The following ATP6V1G3 variants were observed in gnomAD, a reference collection of about 807,000 sequenced individuals.
ATP6V1G3 encodes V-type proton ATPase subunit G 3.
ATP6V1G3 carries 9 observed loss-of-function variants against 9.3 expected under a neutral mutation model. That is an observed-to-expected ratio of 0.97 (90% CI 0.59 to 1.69). The LOEUF (loss-of-function observed/expected upper bound fraction) is 1.69, where lower values mean the gene tolerates loss of function less well. Among genes scored for constraint, ATP6V1G3 ranks in the 40% most tolerant of loss-of-function variants. The pLI, the probability that ATP6V1G3 is intolerant of heterozygous loss-of-function variation, is 0.00. For synonymous variants in ATP6V1G3, 43 were observed against 43.8 expected, an observed-to-expected ratio of 0.98 and a Z score of 0.07; for missense variants, 133 against 139.0, an observed-to-expected ratio of 0.96 and a Z score of 0.22.
At chr1:198,524,498 G>A (rs2103129391) in intron 2 of ATP6V1G3, among the ~76,000 whole-genome samples, 1 of 152,204 alleles carries the variant, frequency 6.6e-6, no homozygotes, top group East Asian at 1.9e-4. Flanking sequence ...AAAATTGAGT[G>A]TGCTTGTTCA....
chr1:198,525,498 G>A (rs1020512576), intron 2 of ATP6V1G3, among the ~76,000 whole-genome samples: 59 of 152,178 alleles, frequency 3.9e-4, no homozygotes, highest in Middle Eastern at 3.4e-3. Context: ...ATTGGTAAGT[G>A]TGCAGAGCAG....
At chr1:198,531,064 C>G (rs1286051748) in intron 1 of ATP6V1G3, among the ~76,000 whole-genome samples, 1 of 152,032 alleles carries the variant, frequency 6.6e-6, no homozygotes, top group East Asian at 1.9e-4. Context: ...CAGCACTCCA[C>G]TAAGAGGCTG....
At chr1:198,537,932 G>C (rs1660184457) in intron 1 of ATP6V1G3, among the ~76,000 whole-genome samples, 2 of 152,196 alleles carry the variant, frequency 1.3e-5, no homozygotes, top group African/African-American at 4.8e-5. Flanking sequence ...TCGCTTATGT[G>C]AGTAAGCTGT....
chr1:198,529,216 AAT>A (rs757876860), intron 1 of ATP6V1G3, 35 bp from the exon 2 acceptor site: 5 of 409,590 alleles, frequency 1.2e-5, no homozygotes, highest in African/African-American at 2.2e-5. Context: ...ATATATATAT[AAT>A]TATATATATC....
At chr1:198,527,242 A>G (rs957700847) in intron 2 of ATP6V1G3, among the ~76,000 whole-genome samples, 14 of 152,160 alleles carry the variant, frequency 9.2e-5, no homozygotes, top group African/African-American at 3.1e-4. Context: ...ATCTGTGCTA[A>G]TGGTTTTACA....
chr1:198,534,807 A>C (rs888245711), intron 1 of ATP6V1G3, among the ~76,000 whole-genome samples: 7 of 152,234 alleles, frequency 4.6e-5, no homozygotes, highest in Non-Finnish European at 8.8e-5. Flanking sequence ...AAGCAAAACC[A>C]AACCAAACAA....
intron 2 of ATP6V1G3, among the ~76,000 whole-genome samples, chr1:198,526,497 T>A (rs554223298): frequency 6.6e-6 from 1 of 152,318 alleles, no homozygotes; most frequent in South Asian, 2.1e-4. Context: ...CTGTAACATG[T>A]CATGATACAT....
upstream of ATP6V1G3, chr1:198,540,863 T>C (rs1660318176): frequency 1.7e-6 from 1 of 587,490 alleles, no homozygotes; most frequent in Non-Finnish European, 3.0e-6. Flanking sequence ...TGTGCATAAA[T>C]TGAGAACTTA....
At chr1:198,539,903 G>A (rs1437188951) in intron 1 of ATP6V1G3, among the ~76,000 whole-genome samples, 3 of 152,188 alleles carry the variant, frequency 2.0e-5, no homozygotes. Context: ...CATTCTATAT[G>A]TAAGTACATG....
chr1:198,533,789 T>C (rs928430307), intron 1 of ATP6V1G3, among the ~76,000 whole-genome samples: 2 of 152,024 alleles, frequency 1.3e-5, no homozygotes, highest in Admixed American at 1.3e-4. Context: ...ACTTTAAGGA[T>C]TGAGAAGACA....
chr1:198,528,494 A>T (rs923750807), intron 2 of ATP6V1G3, among the ~76,000 whole-genome samples: 4 of 152,098 alleles, frequency 2.6e-5, no homozygotes, highest in African/African-American at 9.7e-5. Context: ...CAAAGGTTTC[A>T]TGCATTTATA....
At chr1:198,524,425 C>T (rs940097516) in intron 2 of ATP6V1G3, among the ~76,000 whole-genome samples, 6 of 152,006 alleles carry the variant, frequency 3.9e-5, no homozygotes, top group African/African-American at 1.2e-4. Flanking sequence ...GCCTGGCTGC[C>T]GAAGTGTGTT....
At chr1:198,527,644 A>G (rs1037820252) in intron 2 of ATP6V1G3, among the ~76,000 whole-genome samples, 4 of 152,258 alleles carry the variant, frequency 2.6e-5, no homozygotes, top group African/African-American at 9.6e-5. Flanking sequence ...TCAAAGAAAA[A>G]AATGTTATTC....
intron 1 of ATP6V1G3, among the ~76,000 whole-genome samples, chr1:198,534,044 A>G (rs1178142011): frequency 6.6e-6 from 1 of 152,142 alleles, no homozygotes; most frequent in Non-Finnish European, 1.5e-5. Context: ...AACAAAGGGG[A>G]ACAAAGAAAA....
upstream of ATP6V1G3, chr1:198,540,819 C>T (rs1314076957): frequency 3.0e-6 from 2 of 658,196 alleles, no homozygotes; most frequent in African/African-American, 1.8e-5. Flanking sequence ...CAAGGAAAGC[C>T]CAAGGTGGAA....
intron 1 of ATP6V1G3, among the ~76,000 whole-genome samples, chr1:198,531,984 G>A (rs1659919167): frequency 6.6e-6 from 1 of 152,070 alleles, no homozygotes; most frequent in South Asian, 2.1e-4. Context: ...GAAAAAAAAA[G>A]GCAAGGGGTA....
chr1:198,529,195 A>AT lies in ATP6V1G3; in HGVS notation c.83-15_83-14insA. On this transcript the variant is annotated splice_polypyrimidine_tract_variant and intron_variant, in intron 1 of 2. Transcript: ENST00000367382. ...GCTTTCCTTTTCCTGAAAATTAACA[A>AT]ATATATATATATATATATATAATTA... 1.3e-5 allele frequency: 6 copies of AT among 465,984 alleles called. No individual in the cohort carries two copies. Among genetic ancestry groups the AT allele is most frequent in the Non-Finnish European group, 1.3e-5 (4 of 302,436 alleles). 28.9% of individuals were successfully genotyped at this position (465,984 alleles called of 1,614,324 possible). A position where few individuals can be genotyped will look rare whatever the true frequency, so the allele number is the denominator to read the frequency against.
At chr1:198,539,309 C>T (rs1660253349) in intron 1 of ATP6V1G3, among the ~76,000 whole-genome samples, 1 of 152,178 alleles carries the variant, frequency 6.6e-6, no homozygotes, top group Non-Finnish European at 1.5e-5. Context: ...TTAAATAATT[C>T]AGTACCTACT....
intron 1 of ATP6V1G3, among the ~76,000 whole-genome samples, chr1:198,532,186 A>G (rs933352646): frequency 5.3e-5 from 8 of 152,188 alleles, no homozygotes; most frequent in African/African-American, 1.9e-4. Context: ...AGTTATAGCA[A>G]TGGGATTTAG....
Sources: allele counts gnomAD v4.1 joint callset (sites outside exome capture counted in the v4.1 genomes callset), GRCh38; gene constraint gnomAD v4.1.1; transcripts MANE v1.5; gene names NCBI Gene and HGNC (gene_info 2026-07-23, HGNC 2026-07-21).